TAFA1: variants seen among roughly 807,000 people sequenced by gnomAD.
The protein encoded by TAFA1 is chemokine-like protein TAFA-1.
A neutral mutation model predicts 18.5 loss-of-function variants in TAFA1; 4 were observed. The observed-to-expected ratio is 0.22, with a 90% CI of 0.11 to 0.49. TAFA1 has a LOEUF of 0.49. Ranked by LOEUF, TAFA1 falls within the 20% of genes least tolerant of loss-of-function variation. The probability of loss-of-function intolerance (pLI) is 0.98; values close to 1 mark genes in which losing one functional copy is unlikely to be tolerated. For missense variants in TAFA1, 147 were observed against 169.0 expected (o/e 0.87, Z 0.72); for synonymous variants, 56 against 55.2 (o/e 1.01, Z -0.06).
intron 2 of TAFA1, among the ~76,000 whole-genome samples, chr3:68,198,609 A>G (rs918619130): frequency 4.0e-5 from 6 of 150,892 alleles, no homozygotes; most frequent in Non-Finnish European, 7.4e-5. Flanking sequence ...TTTAATTTGC[A>G]TTTTTCTGAT....
chr3:68,538,619 C>T (rs988392264), intron 3 of TAFA1, 137 bp from the exon 4 acceptor site: 4 of 718,956 alleles, frequency 5.6e-6, no homozygotes, highest in African/African-American at 3.5e-5. Flanking sequence ...TTTAATAGAG[C>T]TTTCTTAGCT....
rs567997998 is a variant in TAFA1, at chr3:68,210,357, G to A, written c.118+203613G>A. ...CTGACAGGCCAGGTATTCTCACCAT[G>A]GTTATCAGTGTGAATACACATAAGC... On this transcript the variant is annotated intron_variant, in intron 2 of 4. Coordinates refer to ENST00000478136, the MANE Select transcript of TAFA1 (RefSeq NM_213609.4). 4.6e-5 allele frequency among the ~76,000 whole-genome samples: 7 copies of A among 152,060 alleles called. No homozygotes were observed. In the South Asian group the frequency reaches 1.4e-3, roughly 31 times the overall value.
intron 3 of TAFA1, among the ~76,000 whole-genome samples, chr3:68,436,850 C>T (rs2071275706): frequency 6.6e-6 from 1 of 152,276 alleles, no homozygotes; most frequent in South Asian, 2.1e-4. Context: ...CCTGGTGACA[C>T]CTTGGCTCTT....
At chr3:68,393,001 AAGATC>A (rs1361517829) in intron 2 of TAFA1, among the ~76,000 whole-genome samples, 2 of 152,186 alleles carry the variant, frequency 1.3e-5, no homozygotes, top group African/African-American at 4.8e-5. Flanking sequence ...AAAAATAACT[AAGATC>A]AGAACAGAAC....
At chr3:68,321,814 T>G (rs774345578) in intron 2 of TAFA1, among the ~76,000 whole-genome samples, 1 of 152,148 alleles carries the variant, frequency 6.6e-6, no homozygotes, top group South Asian at 2.1e-4. Flanking sequence ...AGGAGGACAA[T>G]AGTCTGCCAT....
chr3:68,451,941 T>G (rs577983220), intron 3 of TAFA1, among the ~76,000 whole-genome samples: 131 of 152,302 alleles, frequency 8.6e-4, no homozygotes, highest in Non-Finnish European at 1.6e-3. Flanking sequence ...CTGTTCTGCA[T>G]GGAGGTTTTC....
intron 2 of TAFA1, among the ~76,000 whole-genome samples, chr3:68,097,143 A>G (rs1200961906): frequency 6.6e-6 from 1 of 152,134 alleles, no homozygotes. Flanking sequence ...TTCACCATGA[A>G]TATATCATAA....
intron 3 of TAFA1, among the ~76,000 whole-genome samples, chr3:68,425,495 G>A (rs1045327830): frequency 6.6e-6 from 1 of 151,864 alleles, no homozygotes; most frequent in East Asian, 1.9e-4. Context: ...GGCATTTTCA[G>A]GCATGCTTTC....
chr3:68,302,659 G>A (rs755235748), intron 2 of TAFA1, among the ~76,000 whole-genome samples: 65 of 151,570 alleles, frequency 4.3e-4, no homozygotes, highest in Admixed American at 1.3e-4. Context: ...GTCTGGTATC[G>A]AAGGTGCTAA....
chr3:68,192,566 A>C (rs2066355326), intron 2 of TAFA1: 1 of 155,578 alleles, frequency 6.4e-6, no homozygotes, highest in Admixed American at 6.5e-5. Flanking sequence ...ACAAAACCTA[A>C]AAAGTTAAGA....
At chr3:68,047,328 T>C (rs1020856915) in intron 2 of TAFA1, among the ~76,000 whole-genome samples, 5 of 152,088 alleles carry the variant, frequency 3.3e-5, no homozygotes, top group African/African-American at 1.2e-4. Context: ...GGAACAACCT[T>C]CCAGTTGAAA....
chr3:68,466,072 T>G (rs1214869903), intron 3 of TAFA1, among the ~76,000 whole-genome samples: 2 of 152,196 alleles, frequency 1.3e-5, no homozygotes, highest in Non-Finnish European at 2.9e-5. Context: ...TGTTGCTAAA[T>G]ATTGCACTTA....
intron 3 of TAFA1, among the ~76,000 whole-genome samples, chr3:68,483,058 A>G (rs777122937): frequency 1.3e-5 from 2 of 152,190 alleles, no homozygotes; most frequent in African/African-American, 4.8e-5. Context: ...AGATATTCCC[A>G]ACTAAGGAAT....
intron 3 of TAFA1, among the ~76,000 whole-genome samples, chr3:68,477,521 T>G (rs2072124147): frequency 6.6e-6 from 1 of 152,120 alleles, no homozygotes. Context: ...ATTATAGGCA[T>G]GTGCCAACAT....
intron 2 of TAFA1, among the ~76,000 whole-genome samples, chr3:68,253,756 A>G (rs1402336699): frequency 2.6e-5 from 4 of 152,172 alleles, no homozygotes; most frequent in South Asian, 2.1e-4. Flanking sequence ...ATGATACTAA[A>G]TTAGAAGGTT....
At chr3:68,243,209 T>C (rs1483141733) in intron 2 of TAFA1, among the ~76,000 whole-genome samples, 2 of 152,184 alleles carry the variant, frequency 1.3e-5, no homozygotes, top group African/African-American at 4.8e-5. Flanking sequence ...ATGTACTCTT[T>C]GCACAGCCTC....
intron 2 of TAFA1, among the ~76,000 whole-genome samples, chr3:68,340,028 T>C (rs2069053276): frequency 6.6e-6 from 1 of 152,230 alleles, no homozygotes; most frequent in Non-Finnish European, 1.5e-5. Flanking sequence ...TATTTTTTCA[T>C]ACTGCCTCAG....
intron 2 of TAFA1, among the ~76,000 whole-genome samples, chr3:68,328,014 T>C (rs1440305197): frequency 1.3e-5 from 2 of 152,186 alleles, no homozygotes; most frequent in Non-Finnish European, 2.9e-5. Context: ...TTAACTTTTT[T>C]TTAATATGGT....
intron 3 of TAFA1, among the ~76,000 whole-genome samples, chr3:68,472,153 C>T (rs1342736740): frequency 2.0e-5 from 3 of 152,240 alleles, no homozygotes; most frequent in South Asian, 2.1e-4. Flanking sequence ...ATAATCCCCA[C>T]ATGTCAAGGG....
Sources: gnomAD v4.1 joint callset for allele counts (sites outside exome capture counted in the v4.1 genomes callset) on GRCh38, gnomAD v4.1.1 for gene constraint, MANE v1.5 for transcripts, NCBI Gene and HGNC (gene_info 2026-07-23, HGNC 2026-07-21) for gene names.